Variants in ATXN7 observed in about 807,000 individuals in gnomAD.
The protein encoded by ATXN7 is ataxin 7, also known as ataxin-7.
ATXN7 carries 12 observed loss-of-function variants against 70.5 expected under a neutral mutation model. That is an observed-to-expected ratio of 0.17 (90% CI 0.11 to 0.28). ATXN7 has a LOEUF of 0.28. ATXN7 is among the 10% of genes least tolerant of loss of function. The probability of loss-of-function intolerance (pLI) is 1.00; values close to 1 mark genes in which losing one functional copy is unlikely to be tolerated. For synonymous variants in ATXN7, 498 were observed against 448.7 expected (o/e 1.11, Z -1.39); for missense variants, 1,256 against 1,131.7 (o/e 1.11, Z -1.58).
intron 5 of ATXN7, among the ~76,000 whole-genome samples, chr3:63,956,202 G>A (rs2075036066): frequency 1.3e-5 from 2 of 152,028 alleles, no homozygotes; most frequent in African/African-American, 4.8e-5. Flanking sequence ...ATACTCCAGT[G>A]TGCCTCATAT....
intron 11 of ATXN7, among the ~76,000 whole-genome samples, chr3:63,992,473 C>G (rs1259999989): frequency 6.6e-6 from 1 of 152,090 alleles, no homozygotes; most frequent in African/African-American, 2.4e-5. Context: ...TTGGAAAGCA[C>G]ACTGAGCTCA....
At chr3:63,888,724 C>T (rs1274245753) in intron 1 of ATXN7, among the ~76,000 whole-genome samples, 1 of 152,028 alleles carries the variant, frequency 6.6e-6, no homozygotes, top group Non-Finnish European at 1.5e-5. Context: ...TGCAGTGAGT[C>T]GAGATCGTGC....
chr3:63,959,973 C>T (rs2075099627), intron 5 of ATXN7, among the ~76,000 whole-genome samples: 1 of 152,078 alleles, frequency 6.6e-6, no homozygotes, highest in South Asian at 2.1e-4. Context: ...TGACTTAATA[C>T]AATACATTGT....
At chr3:63,932,416 G>A (rs2074564699) in intron 4 of ATXN7, among the ~76,000 whole-genome samples, 1 of 152,134 alleles carries the variant, frequency 6.6e-6, no homozygotes, top group South Asian at 2.1e-4. Flanking sequence ...CCTACCTGAG[G>A]TTTTGGAACT....
At chr3:63,890,180 A>C (rs1703213383) in intron 1 of ATXN7, among the ~76,000 whole-genome samples, 2 of 152,214 alleles carry the variant, frequency 1.3e-5, no homozygotes. Context: ...TAGCAAGCCA[A>C]TTTTCTTGGT....
At chr3:63,957,089 T>C (rs2075052322) in intron 5 of ATXN7, among the ~76,000 whole-genome samples, 2 of 152,184 alleles carry the variant, frequency 1.3e-5, no homozygotes, top group South Asian at 4.1e-4. Context: ...GTGGGGTGTT[T>C]TTGAGGCTGT....
At chr3:63,887,563 G>A (rs1266612021) in intron 1 of ATXN7, among the ~76,000 whole-genome samples, 1 of 152,010 alleles carries the variant, frequency 6.6e-6, no homozygotes, top group Non-Finnish European at 1.5e-5. Context: ...TCTGTTAGAT[G>A]GATCTCTGTT....
At chr3:63,990,550 C>T (rs1370622228) in intron 10 of ATXN7, 176 bp downstream of exon 10, 11 of 1,169,464 alleles carry the variant, frequency 9.4e-6, no homozygotes, top group South Asian at 5.8e-5. Context: ...GGGGACATCT[C>T]GTGCTTTTTT....
intron 4 of ATXN7, among the ~76,000 whole-genome samples, chr3:63,946,135 G>C (rs2074855076): frequency 6.6e-6 from 1 of 152,212 alleles, no homozygotes; most frequent in Admixed American, 6.5e-5. Flanking sequence ...CAAAGAGTCT[G>C]CTGTCCAGAC....
intron 1 of ATXN7, among the ~76,000 whole-genome samples, chr3:63,896,366 T>C (rs2107258547): frequency 6.6e-6 from 1 of 152,160 alleles, no homozygotes; most frequent in Non-Finnish European, 1.5e-5. Flanking sequence ...TTAATGATTC[T>C]AAGAAAATTT....
intron 4 of ATXN7, among the ~76,000 whole-genome samples, chr3:63,929,286 T>C (rs916790288): frequency 1.5e-4 from 23 of 150,776 alleles, no homozygotes; most frequent in Non-Finnish European, 5.9e-5. Context: ...TTTTTTTTTT[T>C]TGTTTGAGAT....
intron 4 of ATXN7, among the ~76,000 whole-genome samples, chr3:63,943,631 G>A (rs150841507): frequency 1.6e-4 from 25 of 152,262 alleles, no homozygotes; most frequent in African/African-American, 5.8e-4. Flanking sequence ...AGAATATTGA[G>A]GTATAGGCTA....
intron 1 of ATXN7, among the ~76,000 whole-genome samples, chr3:63,889,799 A>T (rs1703199977): frequency 6.6e-6 from 1 of 152,214 alleles, no homozygotes; most frequent in Non-Finnish European, 1.5e-5. Context: ...GTGTCAGGAC[A>T]GATTTTTATG....
chr3:63,937,598 G>A (rs188511251), intron 4 of ATXN7, among the ~76,000 whole-genome samples: 3 of 152,286 alleles, frequency 2.0e-5, no homozygotes, highest in East Asian at 1.9e-4. Context: ...AATGTAAGAC[G>A]CTGGGTCACT....
chr3:63,903,084 C>A (rs959827911), intron 2 of ATXN7, among the ~76,000 whole-genome samples: 1 of 151,776 alleles, frequency 6.6e-6, no homozygotes. Flanking sequence ...ATCATCATCA[C>A]CACTTTTTCA....
intron 10 of ATXN7, 168 bp from the exon 11 acceptor site, chr3:63,990,570 T>G: frequency 8.0e-7 from 1 of 1,252,864 alleles, no homozygotes; most frequent in Non-Finnish European, 1.1e-6. Flanking sequence ...TCCCTTTCTC[T>G]TCCATGACGC....
chr3:63,940,799 G>A (rs747508902), intron 4 of ATXN7, among the ~76,000 whole-genome samples: 13 of 152,302 alleles, frequency 8.5e-5, no homozygotes, highest in Middle Eastern at 3.4e-3. Context: ...CTTAGAGCCC[G>A]TATCCTACTC....
chr3:63,917,506 A>G (rs957542760), intron 4 of ATXN7, among the ~76,000 whole-genome samples: 1 of 152,166 alleles, frequency 6.6e-6, no homozygotes, highest in Non-Finnish European at 1.5e-5. Flanking sequence ...TAAAACCTAT[A>G]TTGTGTCATT....
rs2106802812 is a variant in ATXN7, at chr3:63,995,472, C to A, written c.1683-33C>A. The A allele has an allele frequency of 3.1e-6, 5 of 1,610,420 alleles. No individual in the cohort carries two copies. In the South Asian group the frequency reaches 5.5e-5, roughly 18 times the overall value. On this transcript the variant is annotated intron_variant, in intron 11 of 12. Coordinates refer to ENST00000674280, the MANE Select transcript of ATXN7 (RefSeq NM_001377405.1). ...GAAAGTCTCTGTGAATGGCTGTGGT[C>A]AGTGTCATTCACTGTCCTCTAATTT... is the stretch of plus-strand genomic sequence containing the variant.
Sources: allele counts gnomAD v4.1 joint callset (sites outside exome capture counted in the v4.1 genomes callset), GRCh38; gene constraint gnomAD v4.1.1; transcripts MANE v1.5; gene names NCBI Gene and HGNC (gene_info 2026-07-23, HGNC 2026-07-21).